The following CAMTA1 variants were observed in gnomAD, a reference collection of about 807,000 sequenced individuals.
CAMTA1 encodes calmodulin-binding transcription activator 1.
A neutral mutation model predicts 170.9 loss-of-function variants in CAMTA1; 27 were observed. The ratio of observed to expected loss-of-function variants is 0.16; its 90% confidence interval spans 0.12 to 0.22. The LOEUF (loss-of-function observed/expected upper bound fraction) is 0.22, where lower values mean the gene tolerates loss of function less well. Among genes scored for constraint, CAMTA1 ranks in the 10% least tolerant of loss-of-function variants. CAMTA1 has a pLI of 1.00. For synonymous variants in CAMTA1, 833 were observed against 891.5 expected, an observed-to-expected ratio of 0.93 and a Z score of 1.17; for missense variants, 1,619 against 2,217.2, an observed-to-expected ratio of 0.73 and a Z score of 5.42.
intron 3 of CAMTA1, among the ~76,000 whole-genome samples, chr1:6,990,117 G>A (rs1368743738): frequency 2.0e-5 from 3 of 152,188 alleles, no homozygotes; most frequent in Non-Finnish European, 4.4e-5. Flanking sequence ...TTTCCTGCCC[G>A]TAATGAAATT....
Position 7,265,272 on chromosome 1 carries a change from G to A in CAMTA1, c.438+15646G>A, listed in dbSNP as rs540030359. On this transcript the variant is annotated intron_variant, in intron 5 of 22. Coordinates refer to ENST00000303635, the MANE Select transcript of CAMTA1 (RefSeq NM_015215.4). ...ACCCACACAGCTTTTCAAAGACCTA[G>A]CATGAAAAGAAGCCACTTTTTATTA... is the stretch of plus-strand genomic sequence containing the variant. Among the ~76,000 whole-genome samples, 3 of 152,224 alleles carry A rather than the reference G, an allele frequency of 2.0e-5. No homozygotes were observed. The East Asian group carries it at 5.8e-4, about 29-fold the overall frequency.
intron 3 of CAMTA1, among the ~76,000 whole-genome samples, chr1:6,879,730 G>A (rs952153111): frequency 3.5e-4 from 53 of 150,732 alleles, no homozygotes; most frequent in Non-Finnish European, 5.9e-4. Context: ...CTAGGCCCAA[G>A]CAGGCCTCCT....
chr1:7,432,823 G>T (rs1260011120), intron 5 of CAMTA1, among the ~76,000 whole-genome samples: 3 of 152,236 alleles, frequency 2.0e-5, no homozygotes, highest in African/African-American at 4.8e-5. Flanking sequence ...ACCAGGAGAG[G>T]ATTATTTACG....
chr1:7,352,548 T>C (rs933521012), intron 5 of CAMTA1, among the ~76,000 whole-genome samples: 1 of 152,190 alleles, frequency 6.6e-6, no homozygotes, highest in African/African-American at 2.4e-5. Context: ...TCCTCACTGA[T>C]TTCCTCTCCA....
intron 5 of CAMTA1, among the ~76,000 whole-genome samples, chr1:7,298,955 G>GT (rs978464127): frequency 2.0e-5 from 3 of 152,106 alleles, no homozygotes; most frequent in African/African-American, 4.8e-5. Context: ...GGACTCAACT[G>GT]TTTCCTTTTG....
At chr1:7,188,279 C>G (rs1028790802) in intron 4 of CAMTA1, among the ~76,000 whole-genome samples, 3 of 152,124 alleles carry the variant, frequency 2.0e-5, no homozygotes, top group Non-Finnish European at 2.9e-5. Context: ...CCAAACAAAC[C>G]ATTAAACTTT....
chr1:7,259,091 G>C (rs6667599), intron 5 of CAMTA1, among the ~76,000 whole-genome samples: 93,268 of 151,970 alleles, frequency 0.61, 29,067 homozygotes, highest in African/African-American at 0.69. Flanking sequence ...AGGCTGCTTT[G>C]ATGGCCGCTG....
At chr1:6,989,835 T>G (rs1357054029) in intron 3 of CAMTA1, among the ~76,000 whole-genome samples, 1 of 152,028 alleles carries the variant, frequency 6.6e-6, no homozygotes, top group Non-Finnish European at 1.5e-5. Context: ...TTCAAAACAT[T>G]TCTTGGATTT....
At chr1:6,858,921 A>G (rs1663550543) in intron 3 of CAMTA1, among the ~76,000 whole-genome samples, 2 of 152,242 alleles carry the variant, frequency 1.3e-5, no homozygotes, top group African/African-American at 4.8e-5. Flanking sequence ...AGGACTTTAC[A>G]TATTAATGAA....
chr1:7,474,331 A>C (rs1390334021), intron 6 of CAMTA1, among the ~76,000 whole-genome samples: 2 of 151,866 alleles, frequency 1.3e-5, no homozygotes, highest in African/African-American at 4.8e-5. Flanking sequence ...GGCTGTGTGA[A>C]TCTGGGCAGT....
At chr1:7,651,012 A>T (rs1286573423) in intron 7 of CAMTA1, among the ~76,000 whole-genome samples, 1 of 152,144 alleles carries the variant, frequency 6.6e-6, no homozygotes, top group East Asian at 1.9e-4. Flanking sequence ...TCACTCCAGG[A>T]GAGGCACGTG....
chr1:6,879,119 T>C (rs374774331), intron 3 of CAMTA1, among the ~76,000 whole-genome samples: 3 of 152,210 alleles, frequency 2.0e-5, no homozygotes. Flanking sequence ...GTCCATGTTA[T>C]ACCGGGATAA....
Position 7,738,193 on chromosome 1 carries a change from G to A in CAMTA1, c.3893G>A (p.Arg1298Gln). 3.1e-6 allele frequency: 5 copies of A among 1,613,892 alleles called. No individual in the cohort carries two copies. Among genetic ancestry groups the A allele is most frequent in the East Asian group, 2.2e-5 (1 of 44,874 alleles). ...SPSEGVRDFS[R>Q]ELSPPTPETA... Reference sequence around the variant, plus strand: ...AGTGAAGGAGTGAGGGACTTCAGCCGGGAACTCTCCCCTCCCACTCCAGAG... The same window carrying A: ...AGTGAAGGAGTGAGGGACTTCAGCCAGGAACTCTCCCCTCCCACTCCAGAG... Residue 1298 changes from arginine (R) to glutamine (Q), a missense_variant, in exon 16 of 23, where the codon CGG becomes CAG. By Grantham distance (43) the Arg-to-Gln change is conservative. Transcript: ENST00000303635. The surrounding 1 kb of genome is among the most constrained non-coding windows in gnomAD (Gnocchi z 4.9).
chr1:7,558,788 TAAA>T (rs1307659639), intron 6 of CAMTA1, among the ~76,000 whole-genome samples: 4 of 152,252 alleles, frequency 2.6e-5, no homozygotes, highest in African/African-American at 9.6e-5. Context: ...CTGTCAGAAT[TAAA>T]GAAGGATTTC....
At chr1:7,136,634 C>T (rs185699388) in intron 4 of CAMTA1, among the ~76,000 whole-genome samples, 18 of 152,310 alleles carry the variant, frequency 1.2e-4, no homozygotes, top group Admixed American at 1.0e-3. Context: ...GGTTACTCCC[C>T]TCCAGTTCAC....
At chr1:7,288,224 C>T (rs1329577534) in intron 5 of CAMTA1, among the ~76,000 whole-genome samples, 3 of 152,148 alleles carry the variant, frequency 2.0e-5, no homozygotes, top group Non-Finnish European at 2.9e-5. Flanking sequence ...TGCTGGGCAC[C>T]GTGGGGGTAT....
At chr1:7,559,683 C>A (rs901263091) in intron 6 of CAMTA1, among the ~76,000 whole-genome samples, 1 of 151,998 alleles carries the variant, frequency 6.6e-6, no homozygotes, top group African/African-American at 2.4e-5. Context: ...CAGGGTGGGC[C>A]GGAGGACACA....
At chr1:6,942,893 A>T (rs1340665816) in intron 3 of CAMTA1, among the ~76,000 whole-genome samples, 1 of 152,100 alleles carries the variant, frequency 6.6e-6, no homozygotes, top group East Asian at 1.9e-4. Context: ...GGACACTCTC[A>T]CTCAGAGTGG....
chr1:7,310,733 T>TC, intron 5 of CAMTA1, among the ~76,000 whole-genome samples: 1 of 95,930 alleles, frequency 1.0e-5, no homozygotes, highest in African/African-American at 4.0e-5. Flanking sequence ...TTTCTTTCTT[T>TC]CTTTCTTTCT....
Sources: allele counts gnomAD v4.1 joint callset (sites outside exome capture counted in the v4.1 genomes callset), GRCh38; gene constraint gnomAD v4.1.1; non-coding constraint Gnocchi (gnomAD v3.1); transcripts MANE v1.5; gene names NCBI Gene and HGNC (gene_info 2026-07-23, HGNC 2026-07-21).